SKAP2: variants seen among roughly 807,000 people sequenced by gnomAD.
SKAP2 encodes the protein src kinase-associated phosphoprotein 2.
A neutral mutation model predicts 54.9 loss-of-function variants in SKAP2; 28 were observed. That is an observed-to-expected ratio of 0.51 (90% confidence interval 0.38 to 0.70). The LOEUF (loss-of-function observed/expected upper bound fraction) is 0.70, where lower values mean the gene tolerates loss of function less well. SKAP2 is among the 30% of genes least tolerant of loss of function. The pLI is 0.00. For synonymous variants in SKAP2, 137 were observed against 134.3 expected (o/e 1.02, Z -0.14); for missense variants, 356 against 424.1 (o/e 0.84, Z 1.41).
At chr7:26,851,839 C>T (rs1312254686) in intron 3 of SKAP2, among the ~76,000 whole-genome samples, 1 of 151,774 alleles carries the variant, frequency 6.6e-6, no homozygotes, top group African/African-American at 2.4e-5. Flanking sequence ...GGATGATACA[C>T]ATCTGTGTGC....
chr7:26,744,737 C>CAT (rs1341092473), intron 4 of SKAP2, among the ~76,000 whole-genome samples: 1 of 150,100 alleles, frequency 6.7e-6, no homozygotes, highest in African/African-American at 2.5e-5. Context: ...ACATGTTACA[C>CAT]ATACACACAC....
intron 4 of SKAP2, among the ~76,000 whole-genome samples, chr7:26,744,736 A>G (rs193102574): frequency 2.5e-4 from 37 of 150,330 alleles, no homozygotes; most frequent in African/African-American, 9.0e-4. Flanking sequence ...TACATGTTAC[A>G]CATACACACA....
chr7:26,679,694 C>A (rs1786443558), intron 11 of SKAP2, among the ~76,000 whole-genome samples: 1 of 152,162 alleles, frequency 6.6e-6, no homozygotes, highest in African/African-American at 2.4e-5. Context: ...AAAACTAAGA[C>A]AGCTAAAAAG....
At chr7:26,728,224 A>G (rs1413740395) in intron 6 of SKAP2, among the ~76,000 whole-genome samples, 2 of 152,184 alleles carry the variant, frequency 1.3e-5, no homozygotes, top group Non-Finnish European at 1.5e-5. Context: ...AAAACGATAC[A>G]GTACTTTAAA....
intron 11 of SKAP2, among the ~76,000 whole-genome samples, chr7:26,674,870 A>C (rs137986978): frequency 1.3e-5 from 2 of 152,322 alleles, no homozygotes; most frequent in Non-Finnish European, 2.9e-5. Context: ...AGTTAATTCC[A>C]ATTTCTACAA....
intron 9 of SKAP2, among the ~76,000 whole-genome samples, chr7:26,716,284 C>T (rs919123204): frequency 1.3e-5 from 2 of 152,044 alleles, no homozygotes; most frequent in Non-Finnish European, 2.9e-5. Flanking sequence ...TATATGTTTT[C>T]GTGTTATAGA....
intron 6 of SKAP2, among the ~76,000 whole-genome samples, chr7:26,733,708 T>G (rs1787867190): frequency 6.6e-6 from 1 of 152,218 alleles, no homozygotes; most frequent in Non-Finnish European, 1.5e-5. Context: ...TGAAATTTTG[T>G]TATCTTAAAT....
At chr7:26,801,237 T>C (rs1240656430) in intron 4 of SKAP2, among the ~76,000 whole-genome samples, 2 of 152,110 alleles carry the variant, frequency 1.3e-5, no homozygotes, top group African/African-American at 4.8e-5. Context: ...ATCATATCAA[T>C]AGAATGAAGG....
At chr7:26,666,593 C>A (rs146726286), downstream of SKAP2, among the ~76,000 whole-genome samples, 1 of 152,010 alleles carries the variant, frequency 6.6e-6, no homozygotes, top group Non-Finnish European at 1.5e-5. Context: ...GAAACAAAAA[C>A]GAAACCCCAT....
chr7:26,794,140 G>A (rs1783722518), intron 4 of SKAP2, among the ~76,000 whole-genome samples: 1 of 152,124 alleles, frequency 6.6e-6, no homozygotes, highest in South Asian at 2.1e-4. Flanking sequence ...AGGAAATAGT[G>A]TATCTTCTTT....
intron 3 of SKAP2, chr7:26,847,861 G>A (rs1426942731): frequency 6.6e-6 from 1 of 152,180 alleles, no homozygotes; most frequent in Non-Finnish European, 1.5e-5. Context: ...TACTCACAAG[G>A]ATAATGATGG....
chr7:26,764,722 C>T (rs912975566), intron 4 of SKAP2, among the ~76,000 whole-genome samples: 2 of 152,088 alleles, frequency 1.3e-5, no homozygotes, highest in African/African-American at 4.8e-5. Context: ...GTAAGTATTT[C>T]TCCTAATATT....
At chr7:26,841,345 A>C (rs1331487277) in intron 4 of SKAP2, among the ~76,000 whole-genome samples, 3 of 151,972 alleles carry the variant, frequency 2.0e-5, no homozygotes, top group African/African-American at 7.2e-5. Flanking sequence ...CAGTTGGCCA[A>C]TAAAAAAAAA....
intron 4 of SKAP2, among the ~76,000 whole-genome samples, chr7:26,763,334 AT>A (rs1782974815): frequency 1.3e-5 from 2 of 152,118 alleles, no homozygotes; most frequent in Non-Finnish European, 2.9e-5. Context: ...CAAAGTCTGA[AT>A]TTTTTATTCC....
intron 4 of SKAP2, among the ~76,000 whole-genome samples, chr7:26,828,118 T>C (rs79727035): frequency 2.8e-4 from 42 of 152,316 alleles, no homozygotes; most frequent in Non-Finnish European, 3.8e-4. Flanking sequence ...TAACTATGTA[T>C]TGACAAAGCC....
chr7:26,712,580 C>T (rs1046725158), intron 9 of SKAP2, among the ~76,000 whole-genome samples: 2 of 152,218 alleles, frequency 1.3e-5, no homozygotes, highest in African/African-American at 4.8e-5. Flanking sequence ...ACTCTGCTAT[C>T]TCCTAGCTTG....
intron 1 of SKAP2, among the ~76,000 whole-genome samples, chr7:26,860,920 A>G (rs1562639392): frequency 6.6e-6 from 1 of 152,202 alleles, no homozygotes; most frequent in Non-Finnish European, 1.5e-5. Context: ...TTTCTAATCA[A>G]GAGTGCCATG....
At chr7:26,840,597 C>G (rs561211395) in intron 4 of SKAP2, among the ~76,000 whole-genome samples, 15 of 152,044 alleles carry the variant, frequency 9.9e-5, no homozygotes, top group Non-Finnish European at 1.8e-4. Context: ...TATCTGATTA[C>G]TGACATGCAC....
chr7:26,773,301 T>C (rs1422880111), intron 4 of SKAP2, among the ~76,000 whole-genome samples: 2 of 152,264 alleles, frequency 1.3e-5, no homozygotes, highest in Non-Finnish European at 2.9e-5. Context: ...GTGAAAACCT[T>C]CTTTTTTCCC....
Sources: gnomAD v4.1 joint callset for allele counts (sites outside exome capture counted in the v4.1 genomes callset) on GRCh38, gnomAD v4.1.1 for gene constraint, MANE v1.5 for transcripts, NCBI Gene and HGNC (gene_info 2026-07-23, HGNC 2026-07-21) for gene names.